ADAMTS2: variants seen among roughly 807,000 people sequenced by gnomAD.
ADAMTS2 encodes ADAM metallopeptidase with thrombospondin type 1 motif 2, also known as A disintegrin and metalloproteinase with thrombospondin motifs 2.
In ADAMTS2, 50 loss-of-function variants were observed where a neutral mutation model predicts 123.0. The observed-to-expected ratio is 0.41, with a 90% CI of 0.32 to 0.51. The LOEUF (loss-of-function observed/expected upper bound fraction) is 0.51. ADAMTS2 is among the 20% of genes least tolerant of loss of function. ADAMTS2 has a pLI of 0.35. For missense variants in ADAMTS2, 1,494 were observed against 1,705.2 expected, an observed-to-expected ratio of 0.88 and a Z score of 2.18; for synonymous variants, 678 against 695.4, an observed-to-expected ratio of 0.98 and a Z score of 0.39.
intron 2 of ADAMTS2, among the ~76,000 whole-genome samples, chr5:179,283,940 CA>C (rs1459704824): frequency 9.7e-5 from 11 of 113,188 alleles, no homozygotes; most frequent in African/African-American, 3.6e-4. Context: ...AATAAATGGT[CA>C]GATGATTATT....
intron 2 of ADAMTS2, among the ~76,000 whole-genome samples, chr5:179,294,155 C>T (rs1756267827): frequency 6.6e-6 from 1 of 151,984 alleles, no homozygotes; most frequent in African/African-American, 2.4e-5. Flanking sequence ...ACTTGGGAGG[C>T]TGAGGTGGGA....
At chr5:179,148,043 C>G (rs562229756) in intron 10 of ADAMTS2, among the ~76,000 whole-genome samples, 3 of 152,234 alleles carry the variant, frequency 2.0e-5, no homozygotes, top group Non-Finnish European at 2.9e-5. Context: ...ACTTCTGCTT[C>G]CCTCCCAAAG....
At chr5:179,273,178 C>T (rs1170241577) in intron 2 of ADAMTS2, 114 bp from the exon 3 acceptor site, 1 of 1,492,644 alleles carries the variant, frequency 6.7e-7, no homozygotes, top group Non-Finnish European at 9.3e-7. Flanking sequence ...TGCCCAGCAC[C>T]CCAGCTGGTG....
chr5:179,327,519 A>C (rs1422436632), intron 2 of ADAMTS2, among the ~76,000 whole-genome samples: 1 of 152,214 alleles, frequency 6.6e-6, no homozygotes, highest in Non-Finnish European at 1.5e-5. Context: ...CGAGGGACTG[A>C]GAGAGCCTCC....
At position 179,153,556 on chromosome 5, in the gene ADAMTS2, G is replaced by C; in HGVS notation, c.1450C>G (p.Leu484Val). The change falls in exon 9 of 22, where the codon CTG becomes GTG. Residue 484 changes from leucine to valine, a missense_variant. Leu to Val is a conservative substitution (Grantham distance 32). This residue lies in a region of ADAMTS2 where 953 missense variants were observed against 1,124.7 expected (regional missense o/e 0.85). Coordinates refer to ENST00000251582, the MANE Select transcript of ADAMTS2 (RefSeq NM_014244.5). ...CATTGCTCGTTCATGGAGTAGTGCA[G>C]TCCCGGGAGCTGGGGCAGCGCCGGC... ...DWPALPQLPG[L>V]HYSMNEQCRF... 1.2e-6 allele frequency: 2 copies of C among 1,610,492 alleles called. No homozygotes were observed. The highest frequency in any genetic ancestry group is 1.7e-6 in the Non-Finnish European group (2 of 1,179,826).
chr5:179,168,911 A>T (rs1162364985), intron 5 of ADAMTS2, among the ~76,000 whole-genome samples: 1 of 151,826 alleles, frequency 6.6e-6, no homozygotes. Context: ...CTCTGCCAGA[A>T]CTCCCATATC....
Position 179,221,682 on chromosome 5 carries a change from G to A in ADAMTS2, c.689-13967C>T, listed in dbSNP as rs1765130111. Among the ~76,000 whole-genome samples the A allele has an allele frequency of 2.0e-5, 3 of 152,108 alleles. No homozygotes were observed. In the South Asian group the frequency reaches 6.2e-4, roughly 31 times the overall value. Reference sequence around the variant, plus strand: ...GGGGCAGGGAAACCCCATGTGGGCGGGCAGCAGCCAGGCTCCCTGGATCTG... The same window carrying A: ...GGGGCAGGGAAACCCCATGTGGGCGAGCAGCAGCCAGGCTCCCTGGATCTG... On this transcript the variant is annotated intron_variant, in intron 3 of 21. Coordinates refer to ENST00000251582, the MANE Select transcript of ADAMTS2 (RefSeq NM_014244.5).
rs1762672042 is a variant in ADAMTS2, at chr5:179,117,200, G to A, written c.3179-2876C>T. ...GTGAAACCACTGAGCCCTACCCTCA[G>A]GGAAACACAGGGGGTTCTGGATAAG... On this transcript the variant is annotated intron_variant, in intron 21 of 21. Transcript: ENST00000251582. The surrounding 1 kb of genome is among the most constrained non-coding windows in gnomAD (Gnocchi z 4.2). 6.6e-6 allele frequency among the ~76,000 whole-genome samples: 1 copy of A among 152,126 alleles called. No homozygotes were observed. Among genetic ancestry groups the A allele is most frequent in the African/African-American group, 2.4e-5 (1 of 41,430 alleles).
chr5:179,171,480 G>A (rs1352545625), intron 5 of ADAMTS2, among the ~76,000 whole-genome samples: 1 of 152,198 alleles, frequency 6.6e-6, no homozygotes, highest in African/African-American at 2.4e-5. Flanking sequence ...AAAGCAACGA[G>A]GACTCATAGC....
rs372096858 is a variant in ADAMTS2, at chr5:179,114,166, G to A, written c.3337C>T (p.His1113Tyr). 4.3e-5 allele frequency: 70 copies of A among 1,612,356 alleles called. No homozygotes were observed. Among genetic ancestry groups the A allele is most frequent in the Non-Finnish European group, 5.8e-5 (68 of 1,178,610 alleles). The change falls in exon 22 of 22, where the codon CAC becomes TAC. Residue 1113 changes from histidine (H) to tyrosine (Y), a missense_variant. By Grantham distance (83) the His-to-Tyr change is moderately conservative. This residue lies in a region of ADAMTS2 where 953 missense variants were observed against 1,124.7 expected (regional missense o/e 0.85). Coordinates refer to ENST00000251582, the MANE Select transcript of ADAMTS2 (RefSeq NM_014244.5). ...GGCATGAACACGTCAATGTCGTTGT[G>A]CTTCCCAGGCGGTGGCTCTATCCTG... Reference protein sequence around the residue: ...EGRIEPPPGKHNDIDVFMPTL... With the variant: ...EGRIEPPPGKYNDIDVFMPTL...
At chr5:179,335,483 T>TA (rs1348252399) in intron 2 of ADAMTS2, among the ~76,000 whole-genome samples, 1 of 152,184 alleles carries the variant, frequency 6.6e-6, no homozygotes, top group Non-Finnish European at 1.5e-5. Context: ...TCAAAGTACT[T>TA]AATACTTTGA....
intron 4 of ADAMTS2, among the ~76,000 whole-genome samples, chr5:179,192,678 A>G (rs1326064932): frequency 6.6e-6 from 1 of 152,224 alleles, no homozygotes; most frequent in African/African-American, 2.4e-5. Flanking sequence ...TGCAGGCTGC[A>G]GCCAGGTTTC....
chr5:179,167,085 T>A (rs1004445123), intron 5 of ADAMTS2, among the ~76,000 whole-genome samples: 16 of 152,126 alleles, frequency 1.1e-4, no homozygotes, highest in Non-Finnish European at 1.8e-4. Flanking sequence ...GAAGTCACCG[T>A]CCGCAAGGAG....
intron 11 of ADAMTS2, among the ~76,000 whole-genome samples, chr5:179,139,309 C>T (rs1043488486): frequency 5.3e-5 from 8 of 150,968 alleles, no homozygotes; most frequent in South Asian, 2.1e-4. Context: ...AGCACGGGCC[C>T]GGGAGATATT....
chr5:179,136,114 A>G (rs1237470993), intron 12 of ADAMTS2, 72 bp from the exon 13 acceptor site: 5 of 1,611,314 alleles, frequency 3.1e-6, no homozygotes, highest in Admixed American at 1.7e-5. Context: ...AGGAGGCACC[A>G]AGCAGGAGAA....
At chr5:179,157,549 G>A (rs1320792009) in intron 6 of ADAMTS2, among the ~76,000 whole-genome samples, 10 of 148,026 alleles carry the variant, frequency 6.8e-5, no homozygotes, top group African/African-American at 1.5e-4. Flanking sequence ...ACAAGGCCTC[G>A]CTCTGTCACC....
intron 2 of ADAMTS2, among the ~76,000 whole-genome samples, chr5:179,294,166 G>T (rs567951198): frequency 6.6e-6 from 1 of 152,184 alleles, no homozygotes; most frequent in Admixed American, 6.5e-5. Context: ...TGAGGTGGGA[G>T]AATCACCTAA....
rs1762981757 is a variant in ADAMTS2 at position 179,132,478 on chromosome 5, A to T, written c.2210-168T>A. ...CCCACCTGAGAGGGGCCACCAGGAA[A>T]GCTGCTGCCTCCAGGCTAGTCTTTA... On this transcript the variant is annotated intron_variant, in intron 14 of 21. Transcript: ENST00000251582. This position sits in a 1 kb window ranked among gnomAD's most constrained non-coding sequence, Gnocchi z 6.1. 6.6e-6 allele frequency among the ~76,000 whole-genome samples: 1 copy of T among 152,084 alleles called. No individual in the cohort carries two copies. Among genetic ancestry groups the T allele is most frequent in the Non-Finnish European group, 1.5e-5 (1 of 68,020 alleles).
At chr5:179,319,717 C>T (rs1281397673) in intron 2 of ADAMTS2, among the ~76,000 whole-genome samples, 2 of 151,848 alleles carry the variant, frequency 1.3e-5, no homozygotes, top group Non-Finnish European at 2.9e-5. Flanking sequence ...AGAATAGAAG[C>T]CTCTCCCCTC....
Sources: allele counts gnomAD v4.1 joint callset (sites outside exome capture counted in the v4.1 genomes callset), GRCh38; gene constraint gnomAD v4.1.1; regional missense constraint gnomAD v4.1.1; non-coding constraint Gnocchi (gnomAD v3.1); transcripts MANE v1.5; gene names NCBI Gene and HGNC (gene_info 2026-07-23, HGNC 2026-07-21).